Variants in LUZP1 observed in about 807,000 individuals in gnomAD.
The protein encoded by LUZP1 is filamin mechanobinding actin cross-linking protein.
LUZP1 carries 25 observed loss-of-function variants against 71.3 expected under a neutral mutation model. That is an observed-to-expected ratio of 0.35 (90% CI 0.26 to 0.49). The LOEUF is 0.49. Ranked by LOEUF, LUZP1 falls within the 20% of genes least tolerant of loss-of-function variation. The probability of loss-of-function intolerance (pLI) is 0.99; values close to 1 mark genes in which losing one functional copy is unlikely to be tolerated. For missense variants in LUZP1, 1,142 were observed against 1,300.8 expected (o/e 0.88, Z 1.88); for synonymous variants, 481 against 506.4 (o/e 0.95, Z 0.67).
At chr1:23,152,186 A>G (rs770148520) in intron 2 of LUZP1, among the ~76,000 whole-genome samples, 10 of 152,072 alleles carry the variant, frequency 6.6e-5, no homozygotes, top group Non-Finnish European at 1.2e-4. Flanking sequence ...TAAAATAACA[A>G]ATGTTTTCCA....
exon 4 of LUZP1, chr1:23,092,922 T>G (rs1643871037): frequency 6.2e-7 from 1 of 1,613,846 alleles, no homozygotes; most frequent in African/African-American, 1.3e-5. Context: ...TTTCTTTGTC[T>G]CCTGAGTCCC....
chr1:23,091,603 C>T, exon 4 of LUZP1: 4 of 1,614,172 alleles, frequency 2.5e-6, no homozygotes, highest in East Asian at 2.2e-5. Flanking sequence ...TTCCTCTCCA[C>T]AGGATCCGAT....
intron 1 of LUZP1, among the ~76,000 whole-genome samples, chr1:23,171,142 A>AT (rs11397427): frequency 0.52 from 77,180 of 148,460 alleles, 20,820 homozygotes; most frequent in African/African-American, 0.66. Flanking sequence ...TTATATATGT[A>AT]TTTTTATATA....
chr1:23,091,844 G>A, exon 4 of LUZP1: 1 of 1,614,068 alleles, frequency 6.2e-7, no homozygotes, highest in African/African-American at 1.3e-5. Flanking sequence ...GAGCAGCTCT[G>A]GGGCTGCTGC....
intron 4 of LUZP1, among the ~76,000 whole-genome samples, chr1:23,089,695 C>T (rs147723714): frequency 1.3e-5 from 2 of 151,516 alleles, no homozygotes; most frequent in African/African-American, 4.9e-5. Flanking sequence ...TGGGTTCAAG[C>T]GATTCTCCTG....
intron 2 of LUZP1, among the ~76,000 whole-genome samples, chr1:23,119,936 TG>T (rs1251899277): frequency 6.6e-6 from 1 of 152,040 alleles, no homozygotes; most frequent in Admixed American, 6.6e-5. Flanking sequence ...TTTTGTTTTT[TG>T]TTGGTAGTTT....
At position 23,093,021 on chromosome 1, in the gene LUZP1, T is replaced by G. The variant is rs1643871904; in HGVS notation, c.1241A>C (p.Tyr414Ser). Residue 414 changes from tyrosine to serine, a missense_variant, in exon 4 of 5, where the codon TAT (tyrosine) becomes TCT (serine). Transcript: ENST00000302291. This position sits in a 1 kb window ranked among gnomAD's most constrained non-coding sequence, Gnocchi z 4.2. ...AGAAACCTGCCTGTTGCTCAGAGAA[T>G]AGTTTTCATTGTTGAGAGCAAACTC... 6.2e-7 allele frequency: 1 copy of G among 1,614,070 alleles called. No individual in the cohort carries two copies. The highest frequency in any genetic ancestry group is 1.3e-5 in the African/African-American group (1 of 74,924).
intron 2 of LUZP1, chr1:23,141,186 C>T (rs1366817258): frequency 6.6e-6 from 1 of 152,354 alleles, no homozygotes; most frequent in Non-Finnish European, 1.5e-5. Flanking sequence ...GGGACACGGC[C>T]TGGCCCCACA....
intron 2 of LUZP1, among the ~76,000 whole-genome samples, chr1:23,166,297 T>C (rs1461352692): frequency 6.6e-6 from 1 of 152,136 alleles, no homozygotes; most frequent in East Asian, 1.9e-4. Flanking sequence ...CACTTCTTAC[T>C]AGTTGTGTGT....
At chr1:23,102,454 T>A (rs528970339) in intron 3 of LUZP1, among the ~76,000 whole-genome samples, 7 of 152,316 alleles carry the variant, frequency 4.6e-5, no homozygotes, top group African/African-American at 1.4e-4. Context: ...AATAGTCATT[T>A]AAAGAGGGGT....
At chr1:23,092,865 T>C in exon 4 of LUZP1, 1 of 1,613,888 alleles carries the variant, frequency 6.2e-7, no homozygotes, top group South Asian at 1.1e-5. Context: ...CTCCCTAGAC[T>C]TCTTCCCTTC....
intron 2 of LUZP1, among the ~76,000 whole-genome samples, chr1:23,165,359 CTTTT>C (rs113145677): frequency 2.1e-5 from 3 of 140,692 alleles, no homozygotes. Flanking sequence ...CTCAATAAAG[CTTTT>C]TTTTTTTTTT....
chr1:23,160,311 C>T (rs945424522), intron 2 of LUZP1, among the ~76,000 whole-genome samples: 2 of 152,258 alleles, frequency 1.3e-5, no homozygotes, highest in Admixed American at 6.5e-5. Context: ...TTGTTGACAT[C>T]AAAATAAAAT....
intron 2 of LUZP1, among the ~76,000 whole-genome samples, chr1:23,151,774 C>A (rs754752468): frequency 6.6e-6 from 1 of 152,052 alleles, no homozygotes; most frequent in Non-Finnish European, 1.5e-5. Context: ...GAGGCCAGGG[C>A]GGGTGGATCA....
At chr1:23,178,052 T>C (rs375671969), upstream of LUZP1, among the ~76,000 whole-genome samples, 1 of 152,190 alleles carries the variant, frequency 6.6e-6, no homozygotes, top group African/African-American at 2.4e-5. Flanking sequence ...TGAACGGGGC[T>C]GCTTTCCGTC....
At chr1:23,096,382 C>G (rs1392414639) in intron 3 of LUZP1, among the ~76,000 whole-genome samples, 1 of 152,090 alleles carries the variant, frequency 6.6e-6, no homozygotes, top group Non-Finnish European at 1.5e-5. Context: ...GAAGTTTTAA[C>G]AGGCAGCCCA....
intron 1 of LUZP1, among the ~76,000 whole-genome samples, chr1:23,173,297 G>GT (rs1347935907): frequency 2.1e-5 from 2 of 96,974 alleles, no homozygotes; most frequent in African/African-American, 4.7e-5. Context: ...AGAACCTTCA[G>GT]TTTTTTTTCT....
chr1:23,174,547 C>T (rs1224357675), intron 1 of LUZP1, among the ~76,000 whole-genome samples: 1 of 152,202 alleles, frequency 6.6e-6, no homozygotes, highest in East Asian at 1.9e-4. Flanking sequence ...CCCTCCACAC[C>T]TTCCAAAGAA....
chr1:23,167,399 T>A (rs1644517790), intron 2 of LUZP1, among the ~76,000 whole-genome samples: 1 of 152,058 alleles, frequency 6.6e-6, no homozygotes, highest in African/African-American at 2.4e-5. Context: ...CAGAGAGTAT[T>A]TTCTCCTCCA....
Sources: allele counts gnomAD v4.1 joint callset (sites outside exome capture counted in the v4.1 genomes callset), GRCh38; gene constraint gnomAD v4.1.1; non-coding constraint Gnocchi (gnomAD v3.1); transcripts MANE v1.5; gene names NCBI Gene and HGNC (gene_info 2026-07-23, HGNC 2026-07-21).